The following SFI1 variants were observed in gnomAD, a reference collection of about 807,000 sequenced individuals.
SFI1 encodes the protein SFI1 centrin binding protein.
A neutral mutation model predicts 207.5 loss-of-function variants in SFI1; 195 were observed. The observed-to-expected ratio is 0.94, with a 90% CI of 0.84 to 1.06. The LOEUF is 1.06. Among genes scored for constraint, SFI1 ranks in the 50% least tolerant of loss-of-function variants. The probability of loss-of-function intolerance (pLI) is 0.00; values close to 1 mark genes in which losing one functional copy is unlikely to be tolerated. For missense variants in SFI1, 1,634 were observed against 1,588.0 expected, an observed-to-expected ratio of 1.03 and a Z score of -0.49; for synonymous variants, 630 against 598.9, an observed-to-expected ratio of 1.05 and a Z score of -0.76.
rs2067149747 is a variant in SFI1 at position 31,596,611 on chromosome 22, C to CAAT, written c.1545-5599_1545-5598insTAA. ...TTGGAGACCAGTCTGACCAACATGG[C>CAAT]AAAACCCCATCTCTACTAAAAATAC... is the stretch of plus-strand genomic sequence containing the variant. On this transcript the variant is annotated intron_variant, in intron 15 of 32. Transcript: ENST00000400288. Among the ~76,000 whole-genome samples, 7 of 151,946 alleles carry CAAT rather than the reference C, an allele frequency of 4.6e-5. No individual in the cohort carries two copies. In the South Asian group the frequency reaches 1.5e-3, roughly 32 times the overall value.
At chr22:31,513,431 G>A (rs1429773508) in intron 2 of SFI1, among the ~76,000 whole-genome samples, 1 of 152,056 alleles carries the variant, frequency 6.6e-6, no homozygotes, top group East Asian at 1.9e-4. Context: ...GACTACAGGC[G>A]TTAGATGCTG....
chr22:31,512,248 G>C (rs138968733), intron 2 of SFI1, among the ~76,000 whole-genome samples: 14 of 151,682 alleles, frequency 9.2e-5, no homozygotes, highest in African/African-American at 3.1e-4. Flanking sequence ...CCAGCTATTG[G>C]GGAGGCTGAG....
intron 8 of SFI1, among the ~76,000 whole-genome samples, chr22:31,572,508 TTTTG>T (rs749519208): frequency 2.6e-4 from 39 of 151,952 alleles, no homozygotes; most frequent in Admixed American, 6.6e-4. Context: ...GTCTGCTTGT[TTTTG>T]TTTTTGTTTT....
At chr22:31,508,905 C>T (rs2055071219) in intron 2 of SFI1, among the ~76,000 whole-genome samples, 1 of 152,096 alleles carries the variant, frequency 6.6e-6, no homozygotes, top group Non-Finnish European at 1.5e-5. Flanking sequence ...TCCTCTATAC[C>T]CACAAGTTTG....
intron 27 of SFI1, 170 bp downstream of exon 27, chr22:31,614,025 G>T: frequency 1.2e-6 from 1 of 850,316 alleles, no homozygotes; most frequent in Non-Finnish European, 1.7e-6. Flanking sequence ...CCCTCCCACG[G>T]CAAGAGGGAG....
intron 2 of SFI1, among the ~76,000 whole-genome samples, chr22:31,510,839 T>C (rs985307298): frequency 6.6e-6 from 1 of 152,220 alleles, no homozygotes; most frequent in Non-Finnish European, 1.5e-5. Context: ...TATGCCCTTA[T>C]AATACTTTTA....
rs1394977862 is a variant in SFI1, at chr22:31,528,686, T to C, written c.93-4T>C. ...TCCTTGCCTCTTTCGTCCTCAAATT[T>C]AAGGTATTTTAAGGATGGTGCAGTT... On this transcript the variant is annotated splice_polypyrimidine_tract_variant and splice_region_variant and intron_variant, in intron 2 of 32. Coordinates refer to ENST00000400288, the MANE Select transcript of SFI1 (RefSeq NM_001007467.3). 1.9e-6 allele frequency: 3 copies of C among 1,611,502 alleles called. No individual in the cohort carries two copies. The highest frequency in any genetic ancestry group is 1.7e-6 in the Non-Finnish European group (2 of 1,178,494).
intron 6 of SFI1, among the ~76,000 whole-genome samples, chr22:31,555,893 A>T (rs1200996636): frequency 6.6e-6 from 1 of 152,190 alleles, no homozygotes; most frequent in Admixed American, 6.6e-5. Context: ...ACTGTGAAAT[A>T]TATAGTTATA....
intron 5 of SFI1, among the ~76,000 whole-genome samples, chr22:31,548,316 TC>T (rs1397965979): frequency 1.3e-5 from 2 of 152,008 alleles, no homozygotes; most frequent in Non-Finnish European, 2.9e-5. Flanking sequence ...ACTCCTATAA[TC>T]CCAGTACTTT....
chr22:31,611,728 G>GT, intron 23 of SFI1, 38 bp from the exon 24 acceptor site: 1 of 1,600,508 alleles, frequency 6.2e-7, no homozygotes, highest in African/African-American at 1.3e-5. Flanking sequence ...TCTAGGCTGG[G>GT]TCAGGACGCC....
intron 8 of SFI1, among the ~76,000 whole-genome samples, chr22:31,562,265 GACTAA>G (rs2061785524): frequency 1.3e-5 from 2 of 152,082 alleles, no homozygotes; most frequent in African/African-American, 4.8e-5. Flanking sequence ...GGTCTACAAA[GACTAA>G]ACTATTTGTT....
chr22:31,595,661 C>G (rs1348136002), intron 15 of SFI1, among the ~76,000 whole-genome samples: 9 of 152,294 alleles, frequency 5.9e-5, no homozygotes, highest in African/African-American at 2.2e-4. Context: ...ATGTCAGCCA[C>G]AAGTTCTTCC....
chr22:31,541,331 T>C (rs1365402639), intron 4 of SFI1, among the ~76,000 whole-genome samples: 1 of 152,172 alleles, frequency 6.6e-6, no homozygotes, highest in Non-Finnish European at 1.5e-5. Flanking sequence ...CTTTCTCCTA[T>C]TCTCTTGGTC....
intron 5 of SFI1, among the ~76,000 whole-genome samples, chr22:31,548,285 G>T (rs1569277916): frequency 6.6e-6 from 1 of 151,330 alleles, no homozygotes; most frequent in African/African-American, 2.4e-5. Flanking sequence ...AATATATGGG[G>T]AAGGCCGAGT....
At chr22:31,498,570 G>C (rs2053159373) in intron 1 of SFI1, among the ~76,000 whole-genome samples, 1 of 150,918 alleles carries the variant, frequency 6.6e-6, no homozygotes, top group Non-Finnish European at 1.5e-5. Flanking sequence ...AGAATTGCTT[G>C]AACCCAGGAG....
At chr22:31,549,387 A>T (rs1602527806) in intron 5 of SFI1, among the ~76,000 whole-genome samples, 1 of 138,000 alleles carries the variant, frequency 7.2e-6, no homozygotes, top group Admixed American at 7.7e-5. Flanking sequence ...TCTCGGTGTC[A>T]CCCGGGCTGG....
At chr22:31,531,186 ATAT>A in intron 4 of SFI1, 57 bp downstream of exon 4, 1 of 1,421,280 alleles carries the variant, frequency 7.0e-7, no homozygotes, top group Non-Finnish European at 9.8e-7. Context: ...GTTTTCTTTT[ATAT>A]TAAGCCTGTA....
At chr22:31,575,554 T>C (rs534008663) in intron 10 of SFI1, among the ~76,000 whole-genome samples, 162 bp downstream of exon 10, 20 of 152,316 alleles carry the variant, frequency 1.3e-4, no homozygotes, top group Admixed American at 7.2e-4. Flanking sequence ...TTAATTGGGA[T>C]TGTGTATAAA....
At chr22:31,580,219 C>T in intron 11 of SFI1, 53 bp from the exon 12 acceptor site, 3 of 1,443,682 alleles carry the variant, frequency 2.1e-6, no homozygotes, top group Non-Finnish European at 2.9e-6. Context: ...TCTTAGTTTA[C>T]AGACTCTACT....
Sources: allele counts gnomAD v4.1 joint callset (sites outside exome capture counted in the v4.1 genomes callset), GRCh38; gene constraint gnomAD v4.1.1; transcripts MANE v1.5; gene names NCBI Gene and HGNC (gene_info 2026-07-23, HGNC 2026-07-21).